RARB: variants seen among roughly 807,000 people sequenced by gnomAD.
RARB encodes retinoic acid receptor beta.
Under a neutral mutation model 51.9 loss-of-function variants are expected in RARB, and 17 were observed. That is an observed-to-expected ratio of 0.33 (90% CI 0.22 to 0.49). The LOEUF (loss-of-function observed/expected upper bound fraction) is 0.49, where lower values mean the gene tolerates loss of function less well. Ranked by LOEUF, RARB falls within the 20% of genes least tolerant of loss-of-function variation. The probability of loss-of-function intolerance (pLI) is 0.99; values close to 1 mark genes in which losing one functional copy is unlikely to be tolerated. For synonymous variants in RARB, 215 were observed against 195.4 expected (o/e 1.10, Z -0.84); for missense variants, 369 against 550.8 (o/e 0.67, Z 3.30).
chr3:25,180,751 G>A (rs1388259559), intron 5 of RARB, among the ~76,000 whole-genome samples: 2 of 152,180 alleles, frequency 1.3e-5, no homozygotes, highest in African/African-American at 2.4e-5. Context: ...TAGAAGGAGA[G>A]GGTAGGGGAG....
chr3:25,270,010 C>A (rs1160461824), intron 5 of RARB, among the ~76,000 whole-genome samples: 24 of 152,126 alleles, frequency 1.6e-4, no homozygotes, highest in Non-Finnish European at 5.9e-5. Flanking sequence ...AAAAGAAAAT[C>A]ATATTGGCAA....
At chr3:25,233,231 T>G (rs960276133) in intron 5 of RARB, among the ~76,000 whole-genome samples, 1 of 152,102 alleles carries the variant, frequency 6.6e-6, no homozygotes, top group African/African-American at 2.4e-5. Flanking sequence ...AGTGCTAGGA[T>G]TACAGGTGCG....
At chr3:25,593,359 T>G in intron 5 of RARB, 144 bp from the exon 6 acceptor site, 1 of 738,020 alleles carries the variant, frequency 1.4e-6, no homozygotes, top group Admixed American at 2.8e-5. Context: ...ATGAAAGAGC[T>G]AAAGAAGACA....
chr3:24,891,148 C>T (rs1703370333), intron 2 of RARB, among the ~76,000 whole-genome samples: 1 of 152,140 alleles, frequency 6.6e-6, no homozygotes, highest in African/African-American at 2.4e-5. Context: ...AGTAATCCTA[C>T]CAAGAACTAT....
chr3:25,169,718 T>C (rs1196835949), intron 4 of RARB, among the ~76,000 whole-genome samples: 9 of 152,156 alleles, frequency 5.9e-5, no homozygotes, highest in African/African-American at 2.2e-4. Context: ...CTGGGCACAG[T>C]GACTCATGCC....
Position 25,147,827 on chromosome 3 carries a change from C to T in RARB, c.-280+15619C>T, listed in dbSNP as rs949835443. On this transcript the variant is annotated intron_variant, in intron 4 of 11. Transcript: ENST00000383772. ...CCAATGAGACTTAAGCTGAAACCTG[C>T]ACCATCCCTTCAATAAAGCTTGGTT... Among the ~76,000 whole-genome samples the T allele has an allele frequency of 1.4e-4, 21 of 152,334 alleles. No individual in the cohort carries two copies. In the South Asian group the frequency reaches 2.7e-3, roughly 20 times the overall value.
At chr3:25,449,656 A>G (rs1709102869) in intron 1 of RARB, among the ~76,000 whole-genome samples, 2 of 152,120 alleles carry the variant, frequency 1.3e-5, no homozygotes, top group Admixed American at 6.5e-5. Flanking sequence ...TAGCAGCTGT[A>G]TGGCCTTGAA....
intron 5 of RARB, among the ~76,000 whole-genome samples, chr3:25,414,663 T>C (rs1707653750): frequency 1.3e-5 from 2 of 152,220 alleles, no homozygotes; most frequent in Admixed American, 1.3e-4. Flanking sequence ...AGCATTTACC[T>C]AATAACTAAT....
intron 3 of RARB, among the ~76,000 whole-genome samples, chr3:25,070,144 C>T (rs1171440906): frequency 2.0e-5 from 3 of 152,206 alleles, no homozygotes; most frequent in South Asian, 2.1e-4. Context: ...ACTCCAATCT[C>T]TGCCTTCACC....
intron 5 of RARB, among the ~76,000 whole-genome samples, chr3:25,333,220 T>G (rs1704958400): frequency 1.3e-5 from 2 of 151,926 alleles, no homozygotes; most frequent in Non-Finnish European, 2.9e-5. Flanking sequence ...CATTGCCAAG[T>G]CAATCCTAAG....
chr3:25,138,617 G>T (rs1700066851), intron 4 of RARB, among the ~76,000 whole-genome samples: 1 of 152,046 alleles, frequency 6.6e-6, no homozygotes, highest in Admixed American at 6.6e-5. Context: ...AATCAAGGTG[G>T]AAGTTCAAGA....
chr3:25,286,313 C>G (rs1021428029), intron 5 of RARB, among the ~76,000 whole-genome samples: 1 of 152,146 alleles, frequency 6.6e-6, no homozygotes, highest in Non-Finnish European at 1.5e-5. Flanking sequence ...TGGTCTCGAT[C>G]TCCTGACCTC....
At chr3:24,907,690 T>C (rs192790894) in intron 2 of RARB, among the ~76,000 whole-genome samples, 2 of 152,222 alleles carry the variant, frequency 1.3e-5, no homozygotes, top group African/African-American at 4.8e-5. Flanking sequence ...CTTTGAACAC[T>C]TTTACCCAAA....
chr3:25,469,531 A>C (rs1695593253), intron 2 of RARB, among the ~76,000 whole-genome samples: 1 of 152,234 alleles, frequency 6.6e-6, no homozygotes, highest in Non-Finnish European at 1.5e-5. Context: ...GAAACCTGCC[A>C]TAAACTTCAT....
intron 3 of RARB, among the ~76,000 whole-genome samples, chr3:25,115,894 G>C (rs1699679926): frequency 6.6e-6 from 1 of 152,054 alleles, no homozygotes; most frequent in Non-Finnish European, 1.5e-5. Flanking sequence ...GCCTCCCAAA[G>C]TGCTGGGGTT....
rs1424589008 is a variant in RARB, at chr3:25,428,381, C to T, written c.-351C>T. On this transcript the variant is annotated 5_prime_UTR_variant, in exon 1 of 8. Coordinates refer to ENST00000330688, the MANE Select transcript of RARB (RefSeq NM_000965.5). ...AGGACTGGGATGCCGAGAACGCGAG[C>T]GATCCGAGCAGGGTTTGTCTGGGCA... 1.6e-6 allele frequency: 2 copies of T among 1,248,054 alleles called. No homozygotes were observed. Among genetic ancestry groups the T allele is most frequent in the African/African-American group, 1.5e-5 (1 of 64,844 alleles). The allele number at this position is 1,248,054 out of a possible 1,614,324, so 77.3% of individuals were successfully genotyped here.
At chr3:25,346,704 T>C (rs1355439454) in intron 5 of RARB, among the ~76,000 whole-genome samples, 1 of 152,192 alleles carries the variant, frequency 6.6e-6, no homozygotes, top group Non-Finnish European at 1.5e-5. Context: ...TGTTTTGACA[T>C]AGCTGTTTGG....
chr3:25,437,357 C>T (rs891210539), intron 1 of RARB, among the ~76,000 whole-genome samples: 1 of 152,102 alleles, frequency 6.6e-6, no homozygotes, highest in Admixed American at 6.5e-5. Flanking sequence ...AAGATGCTGT[C>T]GTGGCACAGT....
chr3:25,544,707 A>G (rs1699542477), intron 3 of RARB, among the ~76,000 whole-genome samples: 1 of 152,078 alleles, frequency 6.6e-6, no homozygotes, highest in African/African-American at 2.4e-5. Flanking sequence ...TCAGTAATCT[A>G]CACATTACAG....
Sources: allele counts gnomAD v4.1 joint callset (sites outside exome capture counted in the v4.1 genomes callset), GRCh38; gene constraint gnomAD v4.1.1; transcripts MANE v1.5; gene names NCBI Gene and HGNC (gene_info 2026-07-23, HGNC 2026-07-21).